Variants in ATP11A observed in about 807,000 individuals in gnomAD.
The protein encoded by ATP11A is ATPase phospholipid transporting 11A.
ATP11A carries 81 observed loss-of-function variants against 154.4 expected under a neutral mutation model. That is an observed-to-expected ratio of 0.52 (90% CI 0.44 to 0.63). The LOEUF is 0.63. ATP11A is among the 30% of genes least tolerant of loss of function. The probability of loss-of-function intolerance (pLI) is 0.00; values close to 1 mark genes in which losing one functional copy is unlikely to be tolerated. For missense variants in ATP11A, 1,316 were observed against 1,474.3 expected (o/e 0.89, Z 1.76); for synonymous variants, 623 against 585.9 (o/e 1.06, Z -0.91).
chr13:112,786,929 G>T (rs541525108), intron 2 of ATP11A, among the ~76,000 whole-genome samples: 2 of 150,944 alleles, frequency 1.3e-5, no homozygotes, highest in African/African-American at 2.5e-5. Flanking sequence ...GTGTCCTGAC[G>T]TGTAGACCCC....
intron 1 of ATP11A, among the ~76,000 whole-genome samples, chr13:112,719,865 G>A (rs897242771): frequency 6.6e-6 from 1 of 152,148 alleles, no homozygotes; most frequent in African/African-American, 2.4e-5. Flanking sequence ...CCTAGTGCTG[G>A]AGCTCAGTCC....
chr13:112,815,478 A>G (rs2078620467), intron 5 of ATP11A, among the ~76,000 whole-genome samples: 2 of 151,926 alleles, frequency 1.3e-5, no homozygotes, highest in South Asian at 4.2e-4. Context: ...CACAGTCCAG[A>G]CCTGTGATGC....
At chr13:112,856,294 T>C (rs945193323) in intron 20 of ATP11A, 1 of 476,124 alleles carries the variant, frequency 2.1e-6, no homozygotes, top group East Asian at 3.5e-5. Flanking sequence ...ACCAGTCAGA[T>C]GTATGACCCT....
At chr13:112,761,083 C>T (rs1043682582) in intron 1 of ATP11A, among the ~76,000 whole-genome samples, 1 of 152,324 alleles carries the variant, frequency 6.6e-6, no homozygotes, top group South Asian at 2.1e-4. Flanking sequence ...TGAACCCTCC[C>T]TTCGTCCAGC....
chr13:112,862,080 C>T lies in ATP11A; in HGVS notation c.2856-360C>T, dbSNP rs879884536. On this transcript the variant is annotated intron_variant, in intron 24 of 29. Transcript: ENST00000375645. ...GTAAGGCATCACGTCAGGCGTAAGG[C>T]GTCACGTCAGGCGTAAGGTGTCACA... Among the ~76,000 whole-genome samples, 66 of 135,696 alleles carry T rather than the reference C, an allele frequency of 4.9e-4. 1 individual carries two copies. Among genetic ancestry groups the T allele is most frequent in the Middle Eastern group, 4.0e-3 (1 of 248 alleles). 89.0% of individuals were successfully genotyped at this position (135,696 alleles called of 152,430 possible).
intron 17 of ATP11A, 47 bp from the exon 18 acceptor site, chr13:112,850,990 C>G (rs376480333): frequency 2.4e-5 from 38 of 1,575,098 alleles, no homozygotes; most frequent in Non-Finnish European, 3.2e-5. Context: ...AATATTTCAG[C>G]AAGTGACACC....
In ATP11A at chr13:112,882,328, T is replaced by C. The variant is rs1012588757; in HGVS notation, c.*462T>C. 1.6e-4 allele frequency: 59 copies of C among 379,960 alleles called. No individual in the cohort carries two copies. In the Admixed American group the frequency reaches 2.1e-3, roughly 14 times the overall value. 23.5% of individuals were successfully genotyped at this position (379,960 alleles called of 1,614,324 possible). On this transcript the variant is annotated 3_prime_UTR_variant, in exon 30 of 30. Transcript: ENST00000375645. This position sits in a 1 kb window ranked among gnomAD's most constrained non-coding sequence, Gnocchi z 5.1. The stretch of plus-strand genomic sequence containing the variant: ...CCCACCTGCCATCATTGGCCTTTGC[T>C]GTCACTGGGAGAGAAGAGCCGTCCA...
At chr13:112,876,857 G>A (rs992723950) in intron 28 of ATP11A, among the ~76,000 whole-genome samples, 3 of 152,280 alleles carry the variant, frequency 2.0e-5, no homozygotes, top group African/African-American at 7.2e-5. Context: ...CGGTGCTGCT[G>A]TGCTGGGAGG....
rs1888332173 is a variant in ATP11A at position 112,715,448 on chromosome 13, TCCCCACACCTGGCCCATC to T, written c.39+25015_39+25032del. Among the ~76,000 whole-genome samples the T allele has an allele frequency of 4.8e-4, 3 of 6,270 alleles. 1 individual carries two copies. Among genetic ancestry groups the T allele is most frequent in the Admixed American group, 2.1e-3 (1 of 484 alleles). 4.1% of individuals were successfully genotyped at this position (6,270 alleles called of 152,430 possible). The stretch of plus-strand genomic sequence containing the variant: ...CCCACCTCCCCACACCTGGCCCACC[TCCCCACACCTGGCCCATC>T]CCCCACACCTGGCCCATCCCCGTAC... On this transcript the variant is annotated intron_variant, in intron 1 of 29. Transcript: ENST00000375645.
rs567178466 is a variant in ATP11A, at chr13:112,882,747, G to A, written c.*881G>A. The A allele has an allele frequency of 4.7e-5, 19 of 400,080 alleles. No individual in the cohort carries two copies. Among genetic ancestry groups the A allele is most frequent in the South Asian group, 1.3e-4 (1 of 7,918 alleles). 24.8% of individuals were successfully genotyped at this position (400,080 alleles called of 1,614,324 possible). On this transcript the variant is annotated 3_prime_UTR_variant, in exon 30 of 30. Transcript: ENST00000375645. The surrounding 1 kb of genome is among the most constrained non-coding windows in gnomAD (Gnocchi z 5.1). Reference sequence around the variant, plus strand: ...GTCCATCAGCCACTCGCCAGGGCACGGAGCCGTCAGTCCACTGTTACGGGA... The same window carrying A: ...GTCCATCAGCCACTCGCCAGGGCACAGAGCCGTCAGTCCACTGTTACGGGA...
At chr13:112,776,271 C>T (rs9324328) in intron 1 of ATP11A, among the ~76,000 whole-genome samples, 46,602 of 151,924 alleles carry the variant, frequency 0.31, 8,050 homozygotes, top group Middle Eastern at 0.45. Flanking sequence ...TGAGCAAAAG[C>T]GCAGGCCAGA....
intron 16 of ATP11A, among the ~76,000 whole-genome samples, chr13:112,839,854 T>C (rs1012785142): frequency 1.3e-5 from 2 of 152,188 alleles, no homozygotes; most frequent in Non-Finnish European, 1.5e-5. Context: ...TAGTAAAAAA[T>C]GTGCTGTTGT....
chr13:112,871,893 T>C (rs2080534218), intron 26 of ATP11A, 93 bp downstream of exon 26: 1 of 1,335,608 alleles, frequency 7.5e-7, no homozygotes, highest in Non-Finnish European at 1.1e-6. Context: ...ATTATAACTC[T>C]GTACTGAGGC....
At chr13:112,831,174 C>T (rs1266098354) in intron 12 of ATP11A, among the ~76,000 whole-genome samples, 1 of 152,188 alleles carries the variant, frequency 6.6e-6, no homozygotes, top group Admixed American at 6.5e-5. Context: ...CTGCAGGGTC[C>T]TGTTGGACGC....
chr13:112,730,885 C>T (rs927797259), intron 1 of ATP11A, among the ~76,000 whole-genome samples: 1 of 152,160 alleles, frequency 6.6e-6, no homozygotes, highest in Non-Finnish European at 1.5e-5. Flanking sequence ...GGAAGTGTGT[C>T]TTCGGGCAGC....
At chr13:112,721,173 CCT>C (rs1213988441) in intron 1 of ATP11A, among the ~76,000 whole-genome samples, 2 of 152,158 alleles carry the variant, frequency 1.3e-5, no homozygotes, top group Non-Finnish European at 2.9e-5. Flanking sequence ...TCCGATTGCT[CCT>C]CTCATTAGGG....
Position 112,743,456 on chromosome 13 carries a change from C to T in ATP11A, c.40-41679C>T, listed in dbSNP as rs1310026748. 3.4e-5 allele frequency among the ~76,000 whole-genome samples: 5 copies of T among 148,896 alleles called. No homozygotes were observed. The South Asian group carries it at 8.4e-4, about 25-fold the overall frequency. On this transcript the variant is annotated intron_variant, in intron 1 of 29. Transcript: ENST00000375645. ...CATAGGCAGGTGTTGTAGGTTCCTG[C>T]TACAGTGTGTGATAACCTGTGCAGA...
At position 112,717,050 on chromosome 13, in the gene ATP11A, G is replaced by A. The variant is rs529744020; in HGVS notation, c.39+26595G>A. Among the ~76,000 whole-genome samples, 202 of 152,340 alleles carry A rather than the reference G, an allele frequency of 1.3e-3. 1 individual carries two copies. The Middle Eastern group carries it at 0.017, about 13-fold the overall frequency. On this transcript the variant is annotated intron_variant, in intron 1 of 29. Coordinates refer to ENST00000375645, the MANE Select transcript of ATP11A (RefSeq NM_015205.3). ...GGCCCTGGTGATGAGTGGGGGACAC[G>A]AGTATGTTCTGAAATGAGGGGGAGG... is the stretch of plus-strand genomic sequence containing the variant.
chr13:112,852,394 G>T (rs2079791817), intron 18 of ATP11A, among the ~76,000 whole-genome samples: 1 of 152,208 alleles, frequency 6.6e-6, no homozygotes, highest in Non-Finnish European at 1.5e-5. Flanking sequence ...AGGCGAAGTG[G>T]GAAGTTTTGG....
Sources: allele counts gnomAD v4.1 joint callset (sites outside exome capture counted in the v4.1 genomes callset), GRCh38; gene constraint gnomAD v4.1.1; non-coding constraint Gnocchi (gnomAD v3.1); transcripts MANE v1.5; gene names NCBI Gene and HGNC (gene_info 2026-07-23, HGNC 2026-07-21).